Variants in DDAH1 observed in about 807,000 individuals in gnomAD.
DDAH1 encodes the protein N(G),N(G)-dimethylarginine dimethylaminohydrolase 1.
In DDAH1, 19 loss-of-function variants were observed where a neutral mutation model predicts 28.8. The observed-to-expected ratio is 0.66, with a 90% confidence interval of 0.46 to 0.97. The LOEUF is 0.97. Ranked by LOEUF, DDAH1 falls within the 50% of genes least tolerant of loss-of-function variation. DDAH1 has a pLI of 0.00. For missense variants in DDAH1, 326 were observed against 375.9 expected (o/e 0.87, Z 1.10); for synonymous variants, 153 against 154.4 (o/e 0.99, Z 0.07).
At chr1:85,459,359 AGTCACTCC>A (rs1266299619) in intron 1 of DDAH1, among the ~76,000 whole-genome samples, 1 of 152,230 alleles carries the variant, frequency 6.6e-6, no homozygotes, top group African/African-American at 2.4e-5. Flanking sequence ...ATCTAATAGA[AGTCACTCC>A]CTAGTCATTT....
At chr1:85,519,640 C>T (rs1657603543) in intron 1 of DDAH1, among the ~76,000 whole-genome samples, 1 of 151,940 alleles carries the variant, frequency 6.6e-6, no homozygotes, top group Non-Finnish European at 1.5e-5. Flanking sequence ...AAGAAAAATG[C>T]TAAAAACAAT....
At chr1:85,557,521 T>A (rs1186884175) in intron 1 of DDAH1, among the ~76,000 whole-genome samples, 2 of 152,194 alleles carry the variant, frequency 1.3e-5, no homozygotes, top group African/African-American at 4.8e-5. Flanking sequence ...CAACAGACAC[T>A]TTTGGATTCA....
chr1:85,454,886 G>A (rs1654817664), intron 1 of DDAH1, among the ~76,000 whole-genome samples: 2 of 152,104 alleles, frequency 1.3e-5, no homozygotes, highest in Admixed American at 6.6e-5. Context: ...CAGAGATTAG[G>A]GAGGCCGAAG....
intron 1 of DDAH1, chr1:85,376,976 C>A (rs1241427166): frequency 5.3e-5 from 8 of 152,120 alleles, no homozygotes; most frequent in Non-Finnish European, 1.2e-4. Context: ...TAAGTGATCA[C>A]CTAATGTATG....
At chr1:85,334,098 G>A (rs1647955179) in intron 4 of DDAH1, among the ~76,000 whole-genome samples, 1 of 152,088 alleles carries the variant, frequency 6.6e-6, no homozygotes, top group African/African-American at 2.4e-5. Context: ...TGGATCACGG[G>A]GACGGTTCCG....
chr1:85,335,953 C>A lies in DDAH1; in HGVS notation c.598-11070G>T, dbSNP rs201495219. On this transcript the variant is annotated intron_variant, in intron 4 of 5. Coordinates refer to ENST00000284031, the MANE Select transcript of DDAH1 (RefSeq NM_012137.4). Reference sequence around the variant, plus strand: ...CTCCAGCCTGGGTGACAAAGTGAGACCCTGTCTCTAAAATGAAATAAAATA... The same window carrying A: ...CTCCAGCCTGGGTGACAAAGTGAGAACCTGTCTCTAAAATGAAATAAAATA... Among the ~76,000 whole-genome samples the A allele has an allele frequency of 2.1e-4, 31 of 147,164 alleles. No individual in the cohort carries two copies. The East Asian group carries it at 6.0e-3, about 29-fold the overall frequency.
At chr1:85,349,728 T>C (rs901665578) in intron 4 of DDAH1, among the ~76,000 whole-genome samples, 2 of 152,212 alleles carry the variant, frequency 1.3e-5, no homozygotes, top group Non-Finnish European at 2.9e-5. Flanking sequence ...ACAGTCTTTA[T>C]CCTTATTGGG....
At chr1:85,520,440 A>G (rs1657642208) in intron 1 of DDAH1, among the ~76,000 whole-genome samples, 3 of 152,218 alleles carry the variant, frequency 2.0e-5, no homozygotes, top group African/African-American at 7.2e-5. Context: ...CCATTGGTTA[A>G]GGTTGTCATC....
At chr1:85,486,025 A>G (rs1430124649) in intron 2 of DDAH1, among the ~76,000 whole-genome samples, 1 of 152,190 alleles carries the variant, frequency 6.6e-6, no homozygotes, top group Non-Finnish European at 1.5e-5. Context: ...AATCTTTGAG[A>G]AAGACACATG....
At chr1:85,444,603 G>A (rs1201767152) in intron 1 of DDAH1, among the ~76,000 whole-genome samples, 2 of 152,218 alleles carry the variant, frequency 1.3e-5, no homozygotes, top group African/African-American at 4.8e-5. Flanking sequence ...CCACAGGGTA[G>A]GTCCTGAGAA....
intron 1 of DDAH1, among the ~76,000 whole-genome samples, chr1:85,510,345 G>A (rs1439495081): frequency 6.6e-6 from 1 of 152,156 alleles, no homozygotes; most frequent in Non-Finnish European, 1.5e-5. Flanking sequence ...AGCTCCTGAA[G>A]GAAGCACTAA....
At chr1:85,324,387 C>T (rs1647238526) in intron 5 of DDAH1, among the ~76,000 whole-genome samples, 2 of 151,998 alleles carry the variant, frequency 1.3e-5, no homozygotes, top group African/African-American at 2.4e-5. Context: ...ATACCGTTGA[C>T]CATCTAATTG....
rs189275968 is a variant in DDAH1 at position 85,507,827 on chromosome 1, G to C, written c.-122-11546C>G. On this transcript the variant is annotated intron_variant, in intron 1 of 6. Transcript: ENST00000426972. ...AAAATGACTTTTGGAGGAATAAAAA[G>C]AAAATAGTTGTTTTGTAGAATATCT... 2.8e-3 allele frequency among the ~76,000 whole-genome samples: 422 copies of C among 152,216 alleles called. 1 individual carries two copies. The highest frequency in any genetic ancestry group is 4.0e-3 in the Non-Finnish European group (270 of 67,986).
At chr1:85,332,816 G>A (rs1035679277) in intron 4 of DDAH1, among the ~76,000 whole-genome samples, 6 of 152,210 alleles carry the variant, frequency 3.9e-5, no homozygotes, top group South Asian at 2.1e-4. Context: ...CCTGGAACTT[G>A]AGAATAGGCC....
At chr1:85,459,723 A>G (rs1655046903) in intron 1 of DDAH1, among the ~76,000 whole-genome samples, 1 of 152,224 alleles carries the variant, frequency 6.6e-6, no homozygotes, top group African/African-American at 2.4e-5. Context: ...GCAATCATCC[A>G]CTATGCTGGT....
chr1:85,321,279 GGGA>G lies in DDAH1; in HGVS notation c.*170_*172del. The G allele has an allele frequency of 3.5e-6, 2 of 565,184 alleles. No homozygotes were observed. Among genetic ancestry groups the G allele is most frequent in the Admixed American group, 5.9e-5 (2 of 33,846 alleles). 35.0% of individuals were successfully genotyped at this position (565,184 alleles called of 1,614,324 possible). On this transcript the variant is annotated 3_prime_UTR_variant, in exon 6 of 6. Transcript: ENST00000284031. ...TCCACAGCTTAGGTACCACCTCGAG[GGGA>G]GGGAGGGTGGGGGTGTTGAATGAAG... is the stretch of plus-strand genomic sequence containing the variant.
rs537224340 is a variant in DDAH1, at chr1:85,420,436, A to G, written c.303+44307T>C. ...CATATGAGCATAGGCTGTTAGAAGC[A>G]ACCAGGGCACATCTGGAGCACTTTG... On this transcript the variant is annotated intron_variant, in intron 1 of 5. Coordinates refer to ENST00000284031, the MANE Select transcript of DDAH1 (RefSeq NM_012137.4). Among the ~76,000 whole-genome samples the G allele has an allele frequency of 2.6e-5, 4 of 152,342 alleles. No individual in the cohort carries two copies. In the East Asian group the frequency reaches 7.7e-4, roughly 29 times the overall value.
At chr1:85,365,650 A>G (rs1650034386) in intron 1 of DDAH1, among the ~76,000 whole-genome samples, 1 of 152,030 alleles carries the variant, frequency 6.6e-6, no homozygotes, top group Admixed American at 6.6e-5. Flanking sequence ...CACTCCAAAC[A>G]AAAGTGATGA....
At chr1:85,571,434 G>C (rs1482777191) in intron 1 of DDAH1, among the ~76,000 whole-genome samples, 3 of 152,182 alleles carry the variant, frequency 2.0e-5, no homozygotes, top group African/African-American at 4.8e-5. Context: ...CATCTTTAAA[G>C]GGTGAGACTC....
Sources: allele counts gnomAD v4.1 joint callset (sites outside exome capture counted in the v4.1 genomes callset), GRCh38; gene constraint gnomAD v4.1.1; transcripts MANE v1.5; gene names NCBI Gene and HGNC (gene_info 2026-07-23, HGNC 2026-07-21).